The following CECR2 variants were observed in gnomAD, a reference collection of about 807,000 sequenced individuals.
CECR2 encodes the protein chromatin remodeling regulator CECR2.
A neutral mutation model predicts 154.5 loss-of-function variants in CECR2; 30 were observed. The observed-to-expected ratio is 0.19, with a 90% CI of 0.15 to 0.26. The LOEUF (loss-of-function observed/expected upper bound fraction) is 0.26, where lower values mean the gene tolerates loss of function less well. Among genes scored for constraint, CECR2 ranks in the 10% least tolerant of loss-of-function variants. The pLI, the probability that CECR2 is intolerant of heterozygous loss-of-function variation, is 1.00. For synonymous variants in CECR2, 725 were observed against 683.7 expected (o/e 1.06, Z -0.94); for missense variants, 1,743 against 1,829.3 (o/e 0.95, Z 0.86).
At chr22:17,461,378 TCCC>T (rs2054935247) in intron 1 of CECR2, among the ~76,000 whole-genome samples, 1 of 152,234 alleles carries the variant, frequency 6.6e-6, no homozygotes, top group Non-Finnish European at 1.5e-5. Flanking sequence ...ATTTTTCAAG[TCCC>T]ATTCTCTTTC....
chr22:17,530,125 C>G (rs907177316), intron 9 of CECR2, among the ~76,000 whole-genome samples: 1 of 151,434 alleles, frequency 6.6e-6, no homozygotes, highest in Non-Finnish European at 1.5e-5. Flanking sequence ...TATATTCTAG[C>G]ATCTCAACAG....
intron 1 of CECR2, among the ~76,000 whole-genome samples, chr22:17,438,592 T>C (rs2054539925): frequency 6.6e-6 from 1 of 151,848 alleles, no homozygotes; most frequent in Non-Finnish European, 1.5e-5. Flanking sequence ...CAACACAAAT[T>C]CGTAAACTTT....
chr22:17,551,885 A>C (rs1292011465), intron 17 of CECR2, 146 bp from the exon 18 acceptor site: 1 of 705,876 alleles, frequency 1.4e-6, no homozygotes, highest in Non-Finnish European at 2.4e-6. Flanking sequence ...CAGGGGGCAC[A>C]GAATGTCGAG....
intron 1 of CECR2, among the ~76,000 whole-genome samples, chr22:17,392,101 C>T (rs115369637): frequency 0.022 from 3,362 of 152,258 alleles, 116 homozygotes; most frequent in African/African-American, 0.077. Flanking sequence ...TGAGCCACCG[C>T]GTCTGGCCGA....
chr22:17,545,567 G>C (rs2056600819), intron 16 of CECR2, among the ~76,000 whole-genome samples: 1 of 151,682 alleles, frequency 6.6e-6, no homozygotes, highest in Non-Finnish European at 1.5e-5. Context: ...ATTCCTGGCT[G>C]AGCACGGTGG....
intron 1 of CECR2, among the ~76,000 whole-genome samples, chr22:17,387,412 G>A (rs1484716187): frequency 6.6e-6 from 1 of 152,238 alleles, no homozygotes; most frequent in Admixed American, 6.5e-5. Flanking sequence ...GCGTGGAAAA[G>A]AAGCTGAAAG....
chr22:17,373,094 A>G (rs1333124547), intron 1 of CECR2, among the ~76,000 whole-genome samples: 1 of 152,082 alleles, frequency 6.6e-6, no homozygotes, highest in East Asian at 1.9e-4. Context: ...ACGGAGTCTC[A>G]CTCTGTTGCC....
intron 1 of CECR2, among the ~76,000 whole-genome samples, chr22:17,429,567 A>C (rs1257141324): frequency 1.3e-5 from 2 of 151,640 alleles, no homozygotes; most frequent in Non-Finnish European, 2.9e-5. Flanking sequence ...CAAAGAAAAG[A>C]AAAGAAAAAA....
intron 2 of CECR2, among the ~76,000 whole-genome samples, chr22:17,480,981 A>C (rs2055301342): frequency 6.7e-6 from 1 of 149,338 alleles, no homozygotes; most frequent in Non-Finnish European, 1.5e-5. Context: ...CGGAGGTTGC[A>C]GTGAGCCAAG....
rs117160810 is a variant in CECR2 at position 17,467,366 on chromosome 22, T to C, written c.127-10222T>C. ...TTGAGGAACGTATCTGTAGATGCCATGAAACCCTTAGGACAGGACTTGGGT... is the reference window on the plus strand; with the variant it reads ...TTGAGGAACGTATCTGTAGATGCCACGAAACCCTTAGGACAGGACTTGGGT... On this transcript the variant is annotated intron_variant, in intron 1 of 18. Transcript: ENST00000262608. Among the ~76,000 whole-genome samples the C allele has an allele frequency of 2.8e-4, 43 of 152,204 alleles. 1 individual carries two copies. The East Asian group carries it at 7.5e-3, about 27-fold the overall frequency.
chr22:17,430,955 G>A (rs184804270), intron 1 of CECR2, among the ~76,000 whole-genome samples: 1 of 152,228 alleles, frequency 6.6e-6, no homozygotes, highest in Admixed American at 6.5e-5. Flanking sequence ...GATCACAACA[G>A]TGCCTCGTCT....
chr22:17,507,921 G>A lies in CECR2; in HGVS notation c.870+2905G>A, dbSNP rs114562875. 2.4e-3 allele frequency among the ~76,000 whole-genome samples: 364 copies of A among 152,176 alleles called. 2 individuals are homozygous for A. The highest frequency in any genetic ancestry group is 8.3e-3 in the African/African-American group (346 of 41,522). ...ATTAGGGAGTTCTCACAGAAGGATCGATTTATTCACAGGTAAAGTTTTCTA... is the reference window on the plus strand; with the variant it reads ...ATTAGGGAGTTCTCACAGAAGGATCAATTTATTCACAGGTAAAGTTTTCTA... On this transcript the variant is annotated intron_variant, in intron 7 of 18. Transcript: ENST00000262608.
At chr22:17,503,534 A>C (rs1161197751) in intron 6 of CECR2, among the ~76,000 whole-genome samples, 1 of 152,256 alleles carries the variant, frequency 6.6e-6, no homozygotes, top group Non-Finnish European at 1.5e-5. Flanking sequence ...AATGGGAGGC[A>C]CATACCAGTT....
At chr22:17,429,023 T>C (rs1270108867) in intron 1 of CECR2, among the ~76,000 whole-genome samples, 1 of 152,072 alleles carries the variant, frequency 6.6e-6, no homozygotes, top group Non-Finnish European at 1.5e-5. Context: ...TTTCCAGTGC[T>C]CAGATAACTG....
chr22:17,502,968 A>G (rs2055765845), intron 5 of CECR2, 114 bp from the exon 6 acceptor site: 1 of 841,974 alleles, frequency 1.2e-6, no homozygotes, highest in African/African-American at 1.7e-5. Context: ...CCCTTAACAC[A>G]CACACATACA....
At chr22:17,483,395 A>T (rs570506483) in intron 2 of CECR2, among the ~76,000 whole-genome samples, 12 of 152,314 alleles carry the variant, frequency 7.9e-5, no homozygotes, top group Admixed American at 3.9e-4. Context: ...CTCCGTCTCT[A>T]CTAAAAAATA....
intron 9 of CECR2, among the ~76,000 whole-genome samples, chr22:17,529,976 T>G (rs2056328643): frequency 6.6e-6 from 1 of 152,198 alleles, no homozygotes; most frequent in Admixed American, 6.5e-5. Context: ...ACAAGCTTTG[T>G]GTGACATTCT....
intron 12 of CECR2, 28 bp downstream of exon 12, chr22:17,538,759 A>G (rs1386374280): frequency 6.4e-7 from 1 of 1,556,586 alleles, no homozygotes; most frequent in Non-Finnish European, 8.9e-7. Context: ...AGTAATGCCT[A>G]CTATAGTGTG....
At chr22:17,477,267 A>G (rs2055224413) in intron 1 of CECR2, 1 of 629,122 alleles carries the variant, frequency 1.6e-6, no homozygotes, top group Non-Finnish European at 2.9e-6. Flanking sequence ...TCGATTATAT[A>G]TAATCAAAGA....
Sources: allele counts gnomAD v4.1 joint callset (sites outside exome capture counted in the v4.1 genomes callset), GRCh38; gene constraint gnomAD v4.1.1; transcripts MANE v1.5; gene names NCBI Gene and HGNC (gene_info 2026-07-23, HGNC 2026-07-21).